Variants in SPRY3 observed in about 807,000 individuals in gnomAD.
The protein encoded by SPRY3 is sprouty RTK signaling antagonist 3, also known as protein sprouty homolog 3.
In SPRY3, 15 loss-of-function variants were observed where a neutral mutation model predicts 20.2. The ratio of observed to expected loss-of-function variants is 0.74; its 90% CI spans 0.50 to 1.14. The LOEUF (loss-of-function observed/expected upper bound fraction) is 1.14, where lower values mean the gene tolerates loss of function less well. SPRY3 is among the 50% of genes most tolerant of loss of function. The pLI is 0.00. For missense variants in SPRY3, 364 were observed against 363.9 expected (o/e 1.00, Z 0.00); for synonymous variants, 143 against 136.5 (o/e 1.05, Z -0.33).
intron 2 of SPRY3, among the ~76,000 whole-genome samples, chrX:155,659,158 T>TCTTTCTTTCTTTCTTTC (rs1557353365): frequency 9.5e-6 from 1 of 105,598 alleles, no homozygotes; most frequent in African/African-American, 3.5e-5. Flanking sequence ...TTTCTTTCTT[T>TCTTTCTTTCTTTCTTTC]TTTTGAGACA....
downstream of SPRY3, chrX:155,777,128 G>C (rs1389908545): frequency 6.0e-6 from 1 of 166,914 alleles, no homozygotes; most frequent in Admixed American, 6.5e-5. Flanking sequence ...ACCCTGAAAA[G>C]CTCTGCCCAG....
rs139743506 is a variant in SPRY3, at chrX:155,614,185, A to C, written c.-441+1538A>C. ...GCACTGTACTAAGATCTGGGTGTAA[A>C]ATGATAAACAAAGCCCAGATATAGT... On this transcript the variant is annotated intron_variant, in intron 1 of 3. Coordinates refer to ENST00000675360, the Ensembl canonical transcript of SPRY3. 6.9e-3 allele frequency among the ~76,000 whole-genome samples: 772 copies of C among 111,885 alleles called. 6 individuals are homozygous for C. The highest frequency in any genetic ancestry group is 0.024 in the African/African-American group (734 of 30,770).
At chrX:155,676,620 C>A (rs2068059464) in intron 2 of SPRY3, among the ~76,000 whole-genome samples, 1 of 112,047 alleles carries the variant, frequency 8.9e-6, no homozygotes, top group Non-Finnish European at 1.9e-5. Context: ...GCTGCTATAA[C>A]AAAATTGCTG....
At chrX:155,616,134 T>TCTCTCTCTCTCTCTCTC (rs1557348870) in intron 1 of SPRY3, among the ~76,000 whole-genome samples, 1,384 of 58,032 alleles carry the variant, frequency 0.024, 132 homozygotes, top group Middle Eastern at 0.045. Context: ...CTCTCTCCTC[T>TCTCTCTCTCTCTCTCTC]CTCTCTCTCT....
chrX:155,654,686 G>GGTGT (rs3067500), intron 1 of SPRY3, among the ~76,000 whole-genome samples: 66 of 85,958 alleles, frequency 7.7e-4, no homozygotes, highest in African/African-American at 2.1e-3. Context: ...AGTATTCCAT[G>GGTGT]GTGTGTGTGT....
At chrX:155,628,687 G>T (rs1278803130) in intron 1 of SPRY3, among the ~76,000 whole-genome samples, 1 of 111,917 alleles carries the variant, frequency 8.9e-6, no homozygotes, top group African/African-American at 3.2e-5. Context: ...TGCTGGCAAG[G>T]CTTTTTTAAA....
At chrX:155,653,311 A>C (rs2067982689) in intron 1 of SPRY3, among the ~76,000 whole-genome samples, 1 of 111,826 alleles carries the variant, frequency 8.9e-6, no homozygotes, top group Non-Finnish European at 1.9e-5. Context: ...TATCTAAGAA[A>C]CCATTGCCTG....
intron 1 of SPRY3, among the ~76,000 whole-genome samples, chrX:155,619,925 CAT>C (rs1335956802): frequency 1.8e-5 from 2 of 111,082 alleles, no homozygotes; most frequent in African/African-American, 3.3e-5. Flanking sequence ...GGCCAATAAA[CAT>C]ATGAAAAGAT....
chrX:155,629,789 G>C (rs1557350277), intron 1 of SPRY3, among the ~76,000 whole-genome samples: 1 of 111,971 alleles, frequency 8.9e-6, no homozygotes, highest in Non-Finnish European at 1.9e-5. Context: ...TTGTTCTCTT[G>C]CTATTGACTT....
At chrX:155,776,426 G>A (rs954513066) in exon 4 of SPRY3, 1 of 167,094 alleles carries the variant, frequency 6.0e-6, no homozygotes, top group Non-Finnish European at 1.5e-5. Flanking sequence ...GATGAAAGAT[G>A]TATAATGTAG....
chrX:155,740,721 A>G (rs2091200080), intron 2 of SPRY3, among the ~76,000 whole-genome samples: 1 of 152,140 alleles, frequency 6.6e-6, no homozygotes, highest in South Asian at 2.1e-4. Context: ...GACCCTTATC[A>G]GTAGTTATGT....
At chrX:155,716,016 T>C (rs1315623597) in intron 2 of SPRY3, among the ~76,000 whole-genome samples, 1 of 152,156 alleles carries the variant, frequency 6.6e-6, no homozygotes, top group African/African-American at 2.4e-5. Context: ...AATAAGAAGT[T>C]AAAACCAGGT....
chrX:155,774,298 C>T (rs2124016251), exon 4 of SPRY3: 2 of 1,614,040 alleles, frequency 1.2e-6, no homozygotes, highest in Non-Finnish European at 8.5e-7. Context: ...CCCTAGTGAG[C>T]ACCTCTTCAT....
At chrX:155,661,626 T>C (rs1022047630) in intron 2 of SPRY3, among the ~76,000 whole-genome samples, 1 of 111,947 alleles carries the variant, frequency 8.9e-6, no homozygotes, top group Admixed American at 9.4e-5. Context: ...CAATAGGTTT[T>C]CCAAACTTTT....
chrX:155,668,453 A>T (rs782750111), intron 2 of SPRY3, among the ~76,000 whole-genome samples: 1 of 111,296 alleles, frequency 9.0e-6, no homozygotes, highest in South Asian at 3.7e-4. Flanking sequence ...GGAACTTTCT[A>T]GGGTGCCAGA....
At chrX:155,714,958 C>T (rs1268222512) in intron 2 of SPRY3, among the ~76,000 whole-genome samples, 3 of 152,056 alleles carry the variant, frequency 2.0e-5, no homozygotes, top group African/African-American at 7.2e-5. Context: ...ATTCCTGGGA[C>T]TCATCTTTCA....
chrX:155,628,543 T>C (rs782341202), intron 1 of SPRY3, among the ~76,000 whole-genome samples: 26 of 112,101 alleles, frequency 2.3e-4, no homozygotes, highest in Non-Finnish European at 4.9e-4. Context: ...AAAGGAGATA[T>C]TTACGTGGCC....
intron 2 of SPRY3, among the ~76,000 whole-genome samples, chrX:155,729,817 A>T (rs1276804081): frequency 1.3e-5 from 2 of 152,068 alleles, no homozygotes; most frequent in Non-Finnish European, 2.9e-5. Flanking sequence ...AGACAGACTC[A>T]CTAAGAAAAA....
In SPRY3 at chrX:155,696,236, T is replaced by C. The variant is rs866423210; in HGVS notation, c.-282+39211T>C. Among the ~76,000 whole-genome samples, 396 of 104,237 alleles carry C rather than the reference T, an allele frequency of 3.8e-3. 1 individual carries two copies. Among genetic ancestry groups the C allele is most frequent in the Non-Finnish European group, 6.4e-3 (326 of 50,624 alleles). The allele number at this position is 104,237 out of a possible 115,157, so 90.5% of individuals were successfully genotyped here. A position where few individuals can be genotyped will look rare whatever the true frequency, so the allele number is the denominator to read the frequency against. ...CAACACACACACACACACACACACA[T>C]ATATATATACATATATATACAGAGA... On this transcript the variant is annotated intron_variant, in intron 2 of 3. Transcript: ENST00000675360.
Sources: allele counts gnomAD v4.1 joint callset (sites outside exome capture counted in the v4.1 genomes callset), GRCh38; gene constraint gnomAD v4.1.1; transcripts MANE v1.5; gene names NCBI Gene and HGNC (gene_info 2026-07-23, HGNC 2026-07-21).